Variants in IL1RL2 observed in about 807,000 individuals in gnomAD.
The protein encoded by IL1RL2 is interleukin-1 receptor-like 2.
IL1RL2 carries 68 observed loss-of-function variants against 66.8 expected under a neutral mutation model. That is an observed-to-expected ratio of 1.02 (90% CI 0.84 to 1.25). The LOEUF is 1.25. Ranked by LOEUF, IL1RL2 falls within the 50% of genes most tolerant of loss-of-function variation. The pLI is 0.00. For synonymous variants in IL1RL2, 305 were observed against 264.6 expected, an observed-to-expected ratio of 1.15 and a Z score of -1.48; for missense variants, 729 against 709.3, an observed-to-expected ratio of 1.03 and a Z score of -0.32.
intron 4 of IL1RL2, among the ~76,000 whole-genome samples, chr2:102,198,285 TC>T (rs1687952442): frequency 1.3e-5 from 2 of 152,154 alleles, no homozygotes; most frequent in African/African-American, 4.8e-5. Flanking sequence ...TAATGGCAAA[TC>T]CCTACGAAAA....
chr2:102,199,948 C>T (rs1450211455), intron 4 of IL1RL2, among the ~76,000 whole-genome samples: 1 of 151,978 alleles, frequency 6.6e-6, no homozygotes, highest in East Asian at 1.9e-4. Flanking sequence ...TCCTTGAGCT[C>T]AGGTGTTCGA....
chr2:102,187,427 C>T (rs1686776697), intron 1 of IL1RL2: 1 of 1,083,610 alleles, frequency 9.2e-7, no homozygotes, highest in Non-Finnish European at 1.2e-6. Flanking sequence ...CCCGAGGACA[C>T]AGGCGCGCAG....
At chr2:102,188,401 G>A (rs973288840) in intron 2 of IL1RL2, among the ~76,000 whole-genome samples, 12 of 151,966 alleles carry the variant, frequency 7.9e-5, no homozygotes, top group Middle Eastern at 3.4e-3. Flanking sequence ...TGGCTAACAC[G>A]GTGAAACCCC....
At chr2:102,188,035 T>G in intron 2 of IL1RL2, 110 bp downstream of exon 2, 2 of 1,006,116 alleles carry the variant, frequency 2.0e-6, no homozygotes, top group Non-Finnish European at 3.1e-6. Context: ...CTCCTTCCCC[T>G]CCCCAGACCG....
chr2:102,211,891 C>T (rs1361723724), intron 5 of IL1RL2, among the ~76,000 whole-genome samples: 1 of 151,682 alleles, frequency 6.6e-6, no homozygotes, highest in Non-Finnish European at 1.5e-5. Context: ...CCAAAATGAA[C>T]TCTCTTGATA....
chr2:102,220,541 G>T (rs1690016280), intron 8 of IL1RL2, among the ~76,000 whole-genome samples: 1 of 152,304 alleles, frequency 6.6e-6, no homozygotes, highest in Non-Finnish European at 1.5e-5. Context: ...TCAGTGAAAA[G>T]ATAGTGGAGG....
At chr2:102,212,244 A>G (rs1689235759) in intron 6 of IL1RL2, 70 bp downstream of exon 6, 1 of 1,106,272 alleles carries the variant, frequency 9.0e-7, no homozygotes, top group African/African-American at 1.5e-5. Context: ...ATTCTGGTGA[A>G]TATTTTGAAT....
intron 4 of IL1RL2, among the ~76,000 whole-genome samples, chr2:102,192,791 C>T (rs1265117846): frequency 6.6e-6 from 1 of 152,114 alleles, no homozygotes; most frequent in East Asian, 1.9e-4. Flanking sequence ...CCAGCACACC[C>T]CTCTGGGTCA....
At chr2:102,231,675 G>A (rs899738367) in intron 9 of IL1RL2, among the ~76,000 whole-genome samples, 1 of 151,942 alleles carries the variant, frequency 6.6e-6, no homozygotes, top group African/African-American at 2.4e-5. Flanking sequence ...CTGTGCATGT[G>A]GATGGTCTGC....
At chr2:102,221,383 C>G (rs1308727165) in intron 8 of IL1RL2, among the ~76,000 whole-genome samples, 1 of 152,128 alleles carries the variant, frequency 6.6e-6, no homozygotes, top group East Asian at 1.9e-4. Flanking sequence ...ACTGTCTTCC[C>G]CCATGACAGC....
At chr2:102,203,810 G>C (rs1116823) in intron 5 of IL1RL2, among the ~76,000 whole-genome samples, 1 of 151,266 alleles carries the variant, frequency 6.6e-6, no homozygotes, top group East Asian at 1.9e-4. Flanking sequence ...TCTCTTTTTT[G>C]CTTAGTCTGG....
intron 11 of IL1RL2, among the ~76,000 whole-genome samples, chr2:102,236,596 T>C (rs976894309): frequency 3.9e-5 from 6 of 152,204 alleles, no homozygotes; most frequent in Non-Finnish European, 5.9e-5. Context: ...TATATGAACA[T>C]AAAATTCACC....
intron 10 of IL1RL2, 74 bp downstream of exon 10, chr2:102,233,198 A>C: frequency 7.1e-7 from 1 of 1,412,740 alleles, no homozygotes; most frequent in Non-Finnish European, 9.7e-7. Flanking sequence ...CACTTTACTA[A>C]TGGCGGTGAC....
In IL1RL2 at chr2:102,201,576, G is replaced by T. The variant is rs1271825633; in HGVS notation, c.510G>T (p.Gly170=). The T allele has an allele frequency of 6.2e-7, 1 of 1,614,014 alleles. No homozygotes were observed. The highest frequency in any genetic ancestry group is 1.3e-5 in the African/African-American group (1 of 75,008). The change falls in exon 5 of 12, where the codon GGG becomes GGT. Residue 170 remains glycine (G), a synonymous_variant. Transcript: ENST00000264257. ...ATTAGGACTGTAACGAGATTAAAGG[G>T]GAGCGGTTCACTGTTTTGGAAACCA... ...KWYKDCNEIK[G]ERFTVLETRL...
chr2:102,207,020 C>T (rs1688763358), intron 5 of IL1RL2, among the ~76,000 whole-genome samples: 2 of 152,208 alleles, frequency 1.3e-5, no homozygotes, highest in Non-Finnish European at 2.9e-5. Context: ...GCATCCATAG[C>T]CAGTGCCACA....
rs1163224662 is a variant in IL1RL2 at position 102,219,901 on chromosome 2, A to T, written c.875A>T (p.Glu292Val). ...EGVETHVSFR[E>V]HNLYTVNITF... is the part of the protein sequence containing the mutation. The stretch of plus-strand genomic sequence containing the variant: ...TATAGAACCCATGTCTCTTTTCGGG[A>T]ACATAATTTGTACACAGTAAACATC... The change falls in exon 8 of 12, where the codon GAA becomes GTA. Residue 292 changes from glutamate (E) to valine (V), a missense_variant. Glu to Val is a moderately radical substitution (Grantham distance 121). Transcript: ENST00000264257. 2 of 1,611,920 alleles carry T rather than the reference A, an allele frequency of 1.2e-6. No individual in the cohort carries two copies. Among genetic ancestry groups the T allele is most frequent in the Non-Finnish European group, 1.7e-6 (2 of 1,178,222 alleles).
At chr2:102,210,103 C>T (rs1246039678) in intron 5 of IL1RL2, among the ~76,000 whole-genome samples, 2 of 152,104 alleles carry the variant, frequency 1.3e-5, no homozygotes, top group African/African-American at 4.8e-5. Flanking sequence ...AAAGCAGTGG[C>T]TCAGGGAAAG....
rs1416191438 is a variant in IL1RL2, at chr2:102,218,993, G to A, written c.765G>A (p.Lys255=). 1.2e-6 allele frequency: 2 copies of A among 1,613,540 alleles called. No individual in the cohort carries two copies. The highest frequency in any genetic ancestry group is 1.7e-5 in the Admixed American group (1 of 60,006). Residue 255 remains lysine, a synonymous_variant, in exon 7 of 12, where the codon AAG becomes AAA. Transcript: ENST00000264257. Reference sequence around the variant, plus strand: ...TGGACTGCAATGTAACAGACACCAAGGATAATACAAATCTACGATGCTGGA... The same window carrying A: ...TGGACTGCAATGTAACAGACACCAAAGATAATACAAATCTACGATGCTGGA... ...LIVDCNVTDT[K]DNTNLRCWRV...
intron 4 of IL1RL2, among the ~76,000 whole-genome samples, chr2:102,195,641 C>CTT (rs1687686084): frequency 2.5e-4 from 8 of 31,634 alleles, no homozygotes; most frequent in Non-Finnish European, 3.2e-4. Context: ...CTCTCTCTCT[C>CTT]TCTCTCTTTC....
Sources: gnomAD v4.1 joint callset for allele counts (sites outside exome capture counted in the v4.1 genomes callset) on GRCh38, gnomAD v4.1.1 for gene constraint, MANE v1.5 for transcripts, NCBI Gene and HGNC (gene_info 2026-07-23, HGNC 2026-07-21) for gene names.